The following NFAM1 variants were observed in gnomAD, a reference collection of about 807,000 sequenced individuals.
The protein encoded by NFAM1 is NFAT activating protein with ITAM motif 1.
NFAM1 carries 17 observed loss-of-function variants against 29.0 expected under a neutral mutation model. The observed-to-expected ratio is 0.59, with a 90% CI of 0.40 to 0.88. The LOEUF (loss-of-function observed/expected upper bound fraction) is 0.88, where lower values mean the gene tolerates loss of function less well. Among genes scored for constraint, NFAM1 ranks in the 40% least tolerant of loss-of-function variants. The pLI is 0.00. For missense variants in NFAM1, 324 were observed against 344.6 expected, an observed-to-expected ratio of 0.94 and a Z score of 0.47; for synonymous variants, 175 against 147.2, an observed-to-expected ratio of 1.19 and a Z score of -1.36.
At chr22:42,436,189 AGGTCCTGAGCTCTTCAT>A (rs1181248277), upstream of NFAM1, among the ~76,000 whole-genome samples, 1 of 152,174 alleles carries the variant, frequency 6.6e-6, no homozygotes, top group Non-Finnish European at 1.5e-5. Flanking sequence ...GGACACAGTG[AGGTCCTGAGCTCTTCAT>A]GGTTCCTTTC....
chr22:42,432,137 CAG>C (rs780139849), intron 1 of NFAM1, 98 bp downstream of exon 1: 42 of 1,090,532 alleles, frequency 3.9e-5, no homozygotes, highest in Admixed American at 8.1e-5. Flanking sequence ...AGCAAATCCC[CAG>C]AGACAGGTCC....
chr22:42,400,408 G>A (rs1346203807), intron 3 of NFAM1, among the ~76,000 whole-genome samples: 1 of 151,998 alleles, frequency 6.6e-6, no homozygotes, highest in African/African-American at 2.4e-5. Flanking sequence ...ACTTGAGGTC[G>A]GGAGTTCGAG....
At chr22:42,429,880 A>G (rs753019452) in intron 1 of NFAM1, among the ~76,000 whole-genome samples, 59 of 152,206 alleles carry the variant, frequency 3.9e-4, no homozygotes, top group Admixed American at 2.6e-4. Context: ...GATTCCTTCC[A>G]GCAAACCCTC....
At chr22:42,410,445 A>G in intron 2 of NFAM1, 1 of 382,948 alleles carries the variant, frequency 2.6e-6, no homozygotes, top group Non-Finnish European at 5.3e-6. Context: ...GGATCACTTG[A>G]GGTCAGGATT....
chr22:42,418,457 C>T (rs1222940564), intron 1 of NFAM1, among the ~76,000 whole-genome samples: 2 of 152,002 alleles, frequency 1.3e-5, no homozygotes, highest in East Asian at 1.9e-4. Context: ...TTTGGGAGGC[C>T]GAGGCAGGCA....
Position 42,413,272 on chromosome 22 carries a change from C to T in NFAM1, c.122-1536G>A, listed in dbSNP as rs144592362. 4.9e-3 allele frequency among the ~76,000 whole-genome samples: 744 copies of T among 152,208 alleles called. 7 individuals are homozygous for T. The highest frequency in any genetic ancestry group is 6.8e-3 in the Non-Finnish European group (463 of 68,018). ...TGGGGAAAGAGAGGTGTGGGCCCTG[C>T]CTGTGGTGTGGGGCTGGAGGGAGGC... On this transcript the variant is annotated intron_variant, in intron 1 of 5. Coordinates refer to ENST00000329021, the MANE Select transcript of NFAM1 (RefSeq NM_145912.8).
chr22:42,390,577 G>A (rs566493300), intron 4 of NFAM1, among the ~76,000 whole-genome samples: 5 of 152,308 alleles, frequency 3.3e-5, no homozygotes, highest in African/African-American at 1.2e-4. Context: ...AGCACTTTGG[G>A]AGGCTGAGGA....
Position 42,411,556 on chromosome 22 carries a change from G to A in NFAM1, c.302C>T (p.Pro101Leu), listed in dbSNP as rs1360832193. 3.1e-6 allele frequency: 5 copies of A among 1,614,128 alleles called. No homozygotes were observed. The African/African-American group carries it at 4.0e-5, about 13-fold the overall frequency. The stretch of plus-strand genomic sequence containing the variant: ...GCTCTGGTTCTCTGTGCCCAGTCCA[G>A]GGTGGCAGTTTGTTGGCTTCTTAGG... Reference protein sequence around the residue: ...RSPKKPTNCHPGLGTENQSHT... With the variant: ...RSPKKPTNCHLGLGTENQSHT... Residue 101 changes from proline to leucine, a missense_variant, in exon 2 of 6, where the codon CCT (proline) becomes CTT (leucine). Pro to Leu is a moderately conservative substitution (Grantham distance 98). Coordinates refer to ENST00000329021, the MANE Select transcript of NFAM1 (RefSeq NM_145912.8).
Position 42,382,545 on chromosome 22 carries a change from C to T in NFAM1, c.*2616G>A, listed in dbSNP as rs1928990329. 6.6e-6 allele frequency: 1 copy of T among 152,240 alleles called. No homozygotes were observed. The allele number at this position is 152,240 out of a possible 1,614,324, so 9.4% of individuals were successfully genotyped here. A position where few individuals can be genotyped will look rare whatever the true frequency, so the allele number is the denominator to read the frequency against. On this transcript the variant is annotated 3_prime_UTR_variant, in exon 6 of 6. Coordinates refer to ENST00000329021, the MANE Select transcript of NFAM1 (RefSeq NM_145912.8). ...TCATAGTGGAAAGCAAGCCTGCACC[C>T]CAGGAGCTCCCATTCATACCCTCTC... is the stretch of plus-strand genomic sequence containing the variant.
At chr22:42,414,597 CAA>C (rs1930197359) in intron 1 of NFAM1, among the ~76,000 whole-genome samples, 1 of 151,252 alleles carries the variant, frequency 6.6e-6, no homozygotes, top group East Asian at 1.9e-4. Flanking sequence ...TTTTTAGAGA[CAA>C]GAGGGGTAGA....
chr22:42,396,483 TTA>T (rs56372586), intron 4 of NFAM1, among the ~76,000 whole-genome samples: 63,155 of 149,892 alleles, frequency 0.42, 13,802 homozygotes, highest in African/African-American at 0.54. Context: ...TTTTCTTCTT[TTA>T]TATATATATA....
rs186163740 is a variant in NFAM1 at position 42,390,254 on chromosome 22, C to T, written c.664-3176G>A. ...GTCCCCACTTCCCTGTGCTGGGCCC[C>T]GTGGAAACCCGGACACCCTGGGAGG... On this transcript the variant is annotated intron_variant, in intron 4 of 5. Coordinates refer to ENST00000329021, the MANE Select transcript of NFAM1 (RefSeq NM_145912.8). Among the ~76,000 whole-genome samples, 16 of 152,202 alleles carry T rather than the reference C, an allele frequency of 1.1e-4. No individual in the cohort carries two copies. In the East Asian group the frequency reaches 1.5e-3, roughly 15 times the overall value.
chr22:42,386,396 A>ACACACACACACACAC (rs1555968132), intron 5 of NFAM1, among the ~76,000 whole-genome samples: 1,598 of 125,186 alleles, frequency 0.013, 39 homozygotes, highest in African/African-American at 0.041. Flanking sequence ...AAAACAAACA[A>ACACACACACACACAC]ACACACACAC....
intron 3 of NFAM1, among the ~76,000 whole-genome samples, chr22:42,408,883 G>A (rs1367921433): frequency 6.6e-6 from 1 of 152,206 alleles, no homozygotes; most frequent in East Asian, 1.9e-4. Flanking sequence ...ATGCGACCCT[G>A]GGCAAATCAC....
chr22:42,410,918 G>T (rs1347898366), intron 2 of NFAM1, among the ~76,000 whole-genome samples: 1 of 152,088 alleles, frequency 6.6e-6, no homozygotes, highest in East Asian at 1.9e-4. Context: ...ACACCCAGAT[G>T]GAGCCCTGGC....
intron 1 of NFAM1, among the ~76,000 whole-genome samples, chr22:42,416,840 C>T (rs1390046608): frequency 5.9e-5 from 9 of 152,158 alleles, no homozygotes; most frequent in African/African-American, 2.2e-4. Flanking sequence ...TAACGTGGTC[C>T]GGGGCAGTGA....
chr22:42,387,394 T>A (rs948798543), intron 4 of NFAM1, among the ~76,000 whole-genome samples: 20 of 151,904 alleles, frequency 1.3e-4, no homozygotes, highest in Non-Finnish European at 2.6e-4. Context: ...CCAGGCCTCC[T>A]CCTGCTGTCC....
upstream of NFAM1, chr22:42,432,499 A>G: frequency 8.0e-7 from 1 of 1,245,010 alleles, no homozygotes; most frequent in Non-Finnish European, 1.1e-6. Flanking sequence ...GGAACAGCCC[A>G]GCAGGGTGGC....
intron 4 of NFAM1, among the ~76,000 whole-genome samples, chr22:42,389,852 A>G (rs1015850155): frequency 7.9e-5 from 12 of 152,362 alleles, no homozygotes; most frequent in Non-Finnish European, 1.8e-4. Flanking sequence ...GGCTGAGGCC[A>G]GAGCTGAAGT....
Sources: gnomAD v4.1 joint callset for allele counts (sites outside exome capture counted in the v4.1 genomes callset) on GRCh38, gnomAD v4.1.1 for gene constraint, MANE v1.5 for transcripts, NCBI Gene and HGNC (gene_info 2026-07-23, HGNC 2026-07-21) for gene names.